The following NEK9 variants were observed in gnomAD, a reference collection of about 807,000 sequenced individuals.
NEK9 encodes the protein serine/threonine-protein kinase Nek9.
In NEK9, 75 loss-of-function variants were observed where a neutral mutation model predicts 123.4. That is an observed-to-expected ratio of 0.61 (90% CI 0.50 to 0.74). NEK9 has a LOEUF of 0.74. Ranked by LOEUF, NEK9 falls within the 30% of genes least tolerant of loss-of-function variation. The pLI is 0.00. For synonymous variants in NEK9, 438 were observed against 458.7 expected (o/e 0.95, Z 0.58); for missense variants, 952 against 1,214.4 (o/e 0.78, Z 3.21).
chr14:75,095,527 TC>T, intron 17 of NEK9, 96 bp from the exon 18 acceptor site: 1 of 721,032 alleles, frequency 1.4e-6, no homozygotes, highest in Admixed American at 2.4e-5. Flanking sequence ...TCTCCTTGAC[TC>T]CAGATAACTT....
At chr14:75,088,780 A>G (rs746511991) in intron 19 of NEK9, 139 bp from the exon 20 acceptor site, 31 of 686,754 alleles carry the variant, frequency 4.5e-5, no homozygotes, top group Non-Finnish European at 6.6e-5. Flanking sequence ...TTAACAACAT[A>G]TCACAGCCTA....
rs1284482522 is a variant in NEK9 at position 75,126,855 on chromosome 14, C to T, written c.67G>A (p.Gly23Arg). The T allele has an allele frequency of 2.6e-6, 4 of 1,530,870 alleles. No individual in the cohort carries two copies. The highest frequency in any genetic ancestry group is 1.2e-5 in the South Asian group (1 of 81,838). The allele number at this position is 1,530,870 out of a possible 1,614,324, so 94.8% of individuals were successfully genotyped here. A position where few individuals can be genotyped will look rare whatever the true frequency, so the allele number is the denominator to read the frequency against. The change falls in exon 1 of 22, where the codon GGG (glycine) becomes AGG (arginine). Residue 23 changes from glycine (G) to arginine (R), a missense_variant. By Grantham distance (125) the Gly-to-Arg change is moderately radical. Transcript: ENST00000238616. ...SINSDFGSES[G>R]GCGDSSPGPS... ...CCCGGACTCGAGTCCCCGCAACCCC[C>T]GGACTCGCTCCCAAAGTCCGAGTTG...
At chr14:75,106,188 T>C in intron 12 of NEK9, 192 bp from the exon 13 acceptor site, 2 of 601,550 alleles carry the variant, frequency 3.3e-6, no homozygotes, top group Admixed American at 5.9e-5. Flanking sequence ...TGAAACCCCA[T>C]CTCTACTAAA....
intron 2 of NEK9, among the ~76,000 whole-genome samples, chr14:75,123,621 C>T (rs1345569776): frequency 2.0e-5 from 3 of 152,112 alleles, no homozygotes; most frequent in African/African-American, 7.2e-5. Context: ...ATTACTTTCA[C>T]TCAGTTATGA....
At chr14:75,090,613 T>A (rs535529372) in intron 19 of NEK9, among the ~76,000 whole-genome samples, 1 of 152,040 alleles carries the variant, frequency 6.6e-6, no homozygotes, top group East Asian at 1.9e-4. Context: ...CCAGGCTGGA[T>A]TGCAGTGGTA....
chr14:75,108,105 A>C (rs1289329075), intron 10 of NEK9, among the ~76,000 whole-genome samples: 1 of 151,948 alleles, frequency 6.6e-6, no homozygotes, highest in South Asian at 2.1e-4. Context: ...CAATGAGACT[A>C]GTCCTTGATG....
intron 13 of NEK9, among the ~76,000 whole-genome samples, chr14:75,105,405 G>T (rs1894737041): frequency 6.6e-6 from 1 of 152,184 alleles, no homozygotes; most frequent in South Asian, 2.1e-4. Context: ...CTGTGCCCTA[G>T]GGTAGGTGGG....
intron 4 of NEK9, 70 bp downstream of exon 4, chr14:75,120,440 T>TG (rs949917156): frequency 1.3e-4 from 132 of 1,006,470 alleles, no homozygotes; most frequent in African/African-American, 9.4e-4. Context: ...AAAGTGTTGT[T>TG]GGGGGGGTAT....
chr14:75,098,978 C>T (rs1464008399), intron 16 of NEK9, among the ~76,000 whole-genome samples: 1 of 152,156 alleles, frequency 6.6e-6, no homozygotes, highest in Non-Finnish European at 1.5e-5. Flanking sequence ...TCCTTAAAGT[C>T]CCTTATTTTG....
In NEK9 at chr14:75,127,017, G is replaced by A. The variant is rs1309809937; in HGVS notation, c.-96C>T. ...GCTTCAGATGCCGGCCCGCGGATCC[G>A]TCAGCCCAGCAACCCCGCGAAGCTC... On this transcript the variant is annotated 5_prime_UTR_variant, in exon 1 of 22. It adds an upstream start codon to the 5' untranslated region. Transcript: ENST00000238616. 12 of 1,053,326 alleles carry A rather than the reference G, an allele frequency of 1.1e-5. No homozygotes were observed. Among genetic ancestry groups the A allele is most frequent in the South Asian group, 1.8e-5 (1 of 54,598 alleles). 65.2% of individuals were successfully genotyped at this position (1,053,326 alleles called of 1,614,324 possible). A position where few individuals can be genotyped will look rare whatever the true frequency, so the allele number is the denominator to read the frequency against.
In NEK9 at chr14:75,088,496, G is replaced by T; in HGVS notation, c.2588C>A (p.Pro863His). 6.2e-7 allele frequency: 1 copy of T among 1,613,830 alleles called. No individual in the cohort carries two copies. The highest frequency in any genetic ancestry group is 1.1e-5 in the South Asian group (1 of 91,044). ...CTCAGTTACCGAGGCTTCTACTTGGGGTTTGTGTTCCAAAGGAGCTTCAGA... is the reference window on the plus strand; with the variant it reads ...CTCAGTTACCGAGGCTTCTACTTGGTGTTTGTGTTCCAAAGGAGCTTCAGA... ...VASEAPLEHK[P>H]QVEASSPRLN... The change falls in exon 20 of 22, where the codon CCC (proline) becomes CAC (histidine). Residue 863 changes from proline (P) to histidine (H), a missense_variant. Pro to His is a moderately conservative substitution (Grantham distance 77). This residue lies in a region of NEK9 where 698 missense variants were observed against 875.6 expected (regional missense o/e 0.80). Coordinates refer to ENST00000238616, the MANE Select transcript of NEK9 (RefSeq NM_033116.6).
intron 1 of NEK9, among the ~76,000 whole-genome samples, chr14:75,126,058 G>A (rs1895513418): frequency 6.6e-6 from 1 of 152,190 alleles, no homozygotes; most frequent in South Asian, 2.1e-4. Context: ...AGGGGTCCTT[G>A]TGCCCCCCAA....
chr14:75,113,409 A>G lies in NEK9; in HGVS notation c.874-6T>C. ...GTAGGTCTCTGCTCAGGATCCTAAA[A>G]AGTAAAAATAGGGTTAGTTTTCACT... On this transcript the variant is annotated splice_region_variant and splice_polypyrimidine_tract_variant and intron_variant, in intron 7 of 21. Transcript: ENST00000238616. 6.2e-7 allele frequency: 1 copy of G among 1,610,064 alleles called. No homozygotes were observed. The highest frequency in any genetic ancestry group is 8.5e-7 in the Non-Finnish European group (1 of 1,177,134).
intron 5 of NEK9, among the ~76,000 whole-genome samples, chr14:75,117,902 A>C (rs1169451381): frequency 6.6e-6 from 1 of 152,224 alleles, no homozygotes; most frequent in East Asian, 1.9e-4. Flanking sequence ...GATGAGATAT[A>C]ATGAATGCCC....
Position 75,094,542 on chromosome 14 carries a change from T to G in NEK9, c.2233+830A>C, listed in dbSNP as rs146977674. ...TGGGCATGGTGGCTCATGCCTGTAA[T>G]CCCAGCACTTTGGGAGGCTGAGGTG... On this transcript the variant is annotated intron_variant, in intron 18 of 21. Transcript: ENST00000238616. Among the ~76,000 whole-genome samples the G allele has an allele frequency of 9.2e-3, 1,395 of 152,296 alleles. 17 individuals are homozygous for G. The highest frequency in any genetic ancestry group is 0.032 in the African/African-American group (1,319 of 41,566).
chr14:75,114,292 T>TCA lies in NEK9; in HGVS notation c.782_783dup (p.Lys262Ter). The TCA allele has an allele frequency of 6.2e-7, 1 of 1,613,968 alleles. No homozygotes were observed. On this transcript the variant is annotated frameshift_variant, in exon 7 of 22. Coordinates refer to ENST00000238616, the MANE Select transcript of NEK9 (RefSeq NM_033116.6). LOFTEE classifies it high-confidence loss of function. The stretch of plus-strand genomic sequence containing the variant: ...ATGGCCCGAATTCCTTGCACGATCT[T>TCA]CACACACAGGTTAAGTGGGTTCTAT...
intron 2 of NEK9, 146 bp from the exon 3 acceptor site, chr14:75,121,320 C>T: frequency 5.1e-6 from 3 of 589,470 alleles, no homozygotes; most frequent in Non-Finnish European, 9.0e-6. Flanking sequence ...TTCACATGGG[C>T]ACAAAACTCT....
intron 12 of NEK9, 30 bp from the exon 13 acceptor site, chr14:75,106,026 A>T: frequency 6.3e-7 from 1 of 1,591,288 alleles, no homozygotes; most frequent in Middle Eastern, 1.7e-4. Context: ...GAAAATCATT[A>T]TAATGAGGGC....
chr14:75,117,162 T>A (rs774093557), intron 6 of NEK9, 33 bp downstream of exon 6: 9 of 1,603,004 alleles, frequency 5.6e-6, no homozygotes, highest in Non-Finnish European at 6.8e-6. Flanking sequence ...TGCAACCTGC[T>A]AAATGCAATA....
Sources: allele counts gnomAD v4.1 joint callset (sites outside exome capture counted in the v4.1 genomes callset), GRCh38; gene constraint gnomAD v4.1.1; regional missense constraint gnomAD v4.1.1; transcripts MANE v1.5; gene names NCBI Gene and HGNC (gene_info 2026-07-23, HGNC 2026-07-21).